LRP1B: variants seen among roughly 807,000 people sequenced by gnomAD.
LRP1B encodes LDL receptor related protein 1B, also known as low-density lipoprotein receptor-related protein 1B.
LRP1B carries 217 observed loss-of-function variants against 556.6 expected under a neutral mutation model. The ratio of observed to expected loss-of-function variants is 0.39; its 90% confidence interval spans 0.35 to 0.44. The LOEUF is 0.44. Among genes scored for constraint, LRP1B ranks in the 20% least tolerant of loss-of-function variants. LRP1B has a pLI of 1.00. For synonymous variants in LRP1B, 2,047 were observed against 1,865.8 expected, an observed-to-expected ratio of 1.10 and a Z score of -2.50; for missense variants, 5,053 against 5,620.8, an observed-to-expected ratio of 0.90 and a Z score of 3.23.
intron 66 of LRP1B, among the ~76,000 whole-genome samples, chr2:140,437,123 C>T (rs17387299): frequency 1.5e-4 from 23 of 151,848 alleles, no homozygotes; most frequent in Middle Eastern, 3.4e-3. Context: ...TTGAAGAGAG[C>T]GAAACCCACA....
chr2:140,779,128 G>A lies in LRP1B; in HGVS notation c.5360-2890C>T, dbSNP rs116798038. On this transcript the variant is annotated intron_variant, in intron 32 of 90. Transcript: ENST00000389484. Reference sequence around the variant, plus strand: ...TGCAACCAAAAAGTTTGAGGACGATGGTTTCAAGTGATTCACCAGCAAAAA... The same window carrying A: ...TGCAACCAAAAAGTTTGAGGACGATAGTTTCAAGTGATTCACCAGCAAAAA... 2.2e-3 allele frequency among the ~76,000 whole-genome samples: 331 copies of A among 151,840 alleles called. 1 individual carries two copies. Among genetic ancestry groups the A allele is most frequent in the African/African-American group, 7.4e-3 (306 of 41,430 alleles).
At chr2:141,591,339 G>GTT (rs763188284) in intron 2 of LRP1B, among the ~76,000 whole-genome samples, 1 of 66,250 alleles carries the variant, frequency 1.5e-5, no homozygotes, top group Non-Finnish European at 2.8e-5. Context: ...TTTAGTACTG[G>GTT]TTTTTTTTTG....
intron 2 of LRP1B, among the ~76,000 whole-genome samples, chr2:141,624,460 T>C (rs939096862): frequency 6.6e-6 from 1 of 152,226 alleles, no homozygotes; most frequent in African/African-American, 2.4e-5. Flanking sequence ...TTGTTTGGAA[T>C]AGCTAATATA....
chr2:140,316,963 T>G (rs1684550336), intron 82 of LRP1B, among the ~76,000 whole-genome samples: 2 of 152,054 alleles, frequency 1.3e-5, no homozygotes, highest in African/African-American at 4.8e-5. Flanking sequence ...CAAGTAGCAT[T>G]CTTATTCAGC....
chr2:142,101,374 T>G (rs569048407), intron 1 of LRP1B, among the ~76,000 whole-genome samples: 1 of 152,186 alleles, frequency 6.6e-6, no homozygotes, highest in African/African-American at 2.4e-5. Flanking sequence ...ACACTCACAC[T>G]TAATAAAAAT....
In LRP1B at chr2:141,324,265, G is replaced by A. The variant is rs375305488; in HGVS notation, c.344-69624C>T. On this transcript the variant is annotated intron_variant, in intron 3 of 90. Coordinates refer to ENST00000389484, the MANE Select transcript of LRP1B (RefSeq NM_018557.3). The stretch of plus-strand genomic sequence containing the variant: ...ATAATAGAGTAGTCCTGACCATAAA[G>A]AAACTCTAAAAAATAAATACTCTTT... Among the ~76,000 whole-genome samples the A allele has an allele frequency of 7.2e-5, 11 of 152,008 alleles. No homozygotes were observed. In the East Asian group the frequency reaches 1.9e-3, roughly 27 times the overall value.
intron 7 of LRP1B, among the ~76,000 whole-genome samples, chr2:141,077,688 C>T (rs955778871): frequency 6.6e-5 from 10 of 152,306 alleles, no homozygotes; most frequent in East Asian, 1.9e-4. Flanking sequence ...CTGTGGATTA[C>T]CGCATCAGCT....
intron 83 of LRP1B, among the ~76,000 whole-genome samples, chr2:140,308,319 C>A (rs138991905): frequency 6.1e-5 from 9 of 147,932 alleles, no homozygotes; most frequent in African/African-American, 2.0e-4. Flanking sequence ...TAATATTGGA[C>A]AGTTATGTTA....
At chr2:140,765,299 T>C (rs1293569660) in intron 35 of LRP1B, among the ~76,000 whole-genome samples, 1 of 152,146 alleles carries the variant, frequency 6.6e-6, no homozygotes, top group Non-Finnish European at 1.5e-5. Context: ...GAATAATTAT[T>C]CTGAGTAGAA....
rs969550969 is a variant in LRP1B at position 141,812,928 on chromosome 2, T to C, written c.83-2527A>G. Among the ~76,000 whole-genome samples the C allele has an allele frequency of 5.3e-5, 8 of 152,036 alleles. No individual in the cohort carries two copies. In the East Asian group the frequency reaches 1.5e-3, roughly 29 times the overall value. ...GGATGGCATCATAAAACTTATGATA[T>C]ATAGATAGAAAAAAAAAAGACTGGG... On this transcript the variant is annotated intron_variant, in intron 1 of 90. Transcript: ENST00000389484.
intron 2 of LRP1B, among the ~76,000 whole-genome samples, chr2:141,775,936 G>A (rs6749291): frequency 0.53 from 79,255 of 150,510 alleles, 22,184 homozygotes; most frequent in Non-Finnish European, 0.62. Context: ...TCCGCCTCCT[G>A]GGTTCACACC....
intron 2 of LRP1B, among the ~76,000 whole-genome samples, chr2:141,659,182 C>T (rs912706602): frequency 6.6e-6 from 1 of 152,136 alleles, no homozygotes; most frequent in Non-Finnish European, 1.5e-5. Flanking sequence ...AAAATTACAG[C>T]ATAAGCCACT....
intron 3 of LRP1B, among the ~76,000 whole-genome samples, chr2:141,382,477 C>G (rs970258048): frequency 1.3e-5 from 2 of 152,208 alleles, no homozygotes; most frequent in Admixed American, 1.3e-4. Flanking sequence ...CTTTGTTTGA[C>G]AGCAGATCCC....
intron 7 of LRP1B, among the ~76,000 whole-genome samples, chr2:141,125,984 G>A (rs1701197108): frequency 6.6e-6 from 1 of 151,428 alleles, no homozygotes; most frequent in Non-Finnish European, 1.5e-5. Context: ...GCTCACCCTT[G>A]AGGACATGGG....
chr2:141,411,100 T>TA lies in LRP1B; in HGVS notation c.343+69295dup, dbSNP rs910316802. On this transcript the variant is annotated intron_variant, in intron 3 of 90. Coordinates refer to ENST00000389484, the MANE Select transcript of LRP1B (RefSeq NM_018557.3). ...AGATGGACTTATTTTAATACTCTTA[T>TA]AAATCATTGAACCTTAGATAAGGAA... is the stretch of plus-strand genomic sequence containing the variant. 1.1e-4 allele frequency among the ~76,000 whole-genome samples: 16 copies of TA among 152,206 alleles called. No individual in the cohort carries two copies. In the East Asian group the frequency reaches 2.9e-3, roughly 28 times the overall value.
chr2:140,838,497 A>C (rs1691991416), intron 31 of LRP1B, among the ~76,000 whole-genome samples: 1 of 152,140 alleles, frequency 6.6e-6, no homozygotes. Context: ...TATTCTATAG[A>C]CCACATGAAA....
At chr2:141,973,839 C>A (rs1701812021) in intron 1 of LRP1B, among the ~76,000 whole-genome samples, 1 of 151,738 alleles carries the variant, frequency 6.6e-6, no homozygotes, top group Non-Finnish European at 1.5e-5. Context: ...AAGCATATAC[C>A]TAAATCTTAC....
intron 3 of LRP1B, among the ~76,000 whole-genome samples, chr2:141,449,155 T>A (rs1282282490): frequency 1.3e-5 from 2 of 152,226 alleles, no homozygotes; most frequent in African/African-American, 4.8e-5. Flanking sequence ...GATATTCCCT[T>A]TTATTCTAGT....
Position 140,919,775 on chromosome 2 carries a change from T to C in LRP1B, c.3319+3190A>G, listed in dbSNP as rs1399004878. 2.0e-5 allele frequency among the ~76,000 whole-genome samples: 3 copies of C among 152,204 alleles called. No homozygotes were observed. In the East Asian group the frequency reaches 5.8e-4, roughly 29 times the overall value. ...TATATTTTATCATCACTTCTGTGTG[T>C]TGAGAAGTGAAAACAGAGAAGCAGA... On this transcript the variant is annotated intron_variant, in intron 21 of 90. Transcript: ENST00000389484.
Sources: allele counts gnomAD v4.1 joint callset (sites outside exome capture counted in the v4.1 genomes callset), GRCh38; gene constraint gnomAD v4.1.1; transcripts MANE v1.5; gene names NCBI Gene and HGNC (gene_info 2026-07-23, HGNC 2026-07-21).